The following SEMA3D variants were observed in gnomAD, a reference collection of about 807,000 sequenced individuals.
SEMA3D encodes the protein semaphorin 3D.
A neutral mutation model predicts 100.1 loss-of-function variants in SEMA3D; 84 were observed. That is an observed-to-expected ratio of 0.84 (90% CI 0.70 to 1.01). The LOEUF is 1.01. SEMA3D is among the 50% of genes least tolerant of loss of function. SEMA3D has a pLI of 0.00. For missense variants in SEMA3D, 875 were observed against 934.1 expected (o/e 0.94, Z 0.82); for synonymous variants, 312 against 320.7 (o/e 0.97, Z 0.29).
At chr7:85,035,257 T>C (rs912208818) in intron 12 of SEMA3D, among the ~76,000 whole-genome samples, 1 of 151,350 alleles carries the variant, frequency 6.6e-6, no homozygotes, top group Non-Finnish European at 1.5e-5. Flanking sequence ...ATCATACATA[T>C]ATTTATATAT....
At chr7:85,094,183 T>C (rs1308147314) in intron 4 of SEMA3D, among the ~76,000 whole-genome samples, 1 of 151,748 alleles carries the variant, frequency 6.6e-6, no homozygotes, top group Non-Finnish European at 1.5e-5. Context: ...GAACAATGAA[T>C]AGTTAACAGT....
chr7:85,019,087 CTT>C (rs764748743), intron 14 of SEMA3D, among the ~76,000 whole-genome samples: 5 of 151,660 alleles, frequency 3.3e-5, no homozygotes. Flanking sequence ...CATGGCCAAA[CTT>C]ATCAAATTAT....
At chr7:85,239,885 A>G in the SEMA3D span, among the ~76,000 whole-genome samples, 1 of 152,132 alleles carries the variant, frequency 6.6e-6, no homozygotes, top group African/African-American at 2.4e-5. Flanking sequence ...TTCTGTAACC[A>G]ACCTGTAACT....
the SEMA3D span, among the ~76,000 whole-genome samples, chr7:85,219,232 A>C: frequency 1.3e-5 from 2 of 151,992 alleles, no homozygotes; most frequent in African/African-American, 4.8e-5. Flanking sequence ...GAGCCCACAG[A>C]GGGAAAAAAA....
chr7:85,034,076 C>A (rs879018476), intron 12 of SEMA3D, among the ~76,000 whole-genome samples: 3 of 151,970 alleles, frequency 2.0e-5, no homozygotes, highest in Admixed American at 2.0e-4. Flanking sequence ...AGCTTTGTGA[C>A]CTTGGGCAAG....
upstream of SEMA3D, among the ~76,000 whole-genome samples, chr7:85,188,864 T>C (rs1295116572): frequency 1.3e-5 from 2 of 152,234 alleles, no homozygotes; most frequent in Non-Finnish European, 2.9e-5. Context: ...CACTTTGATT[T>C]CACTACTATA....
chr7:85,028,181 T>C (rs1790443910), intron 12 of SEMA3D: 2 of 645,588 alleles, frequency 3.1e-6, no homozygotes, highest in Non-Finnish European at 2.8e-6. Context: ...CCATAGGAGG[T>C]GTCTTCTATG....
At chr7:85,177,191 T>C (rs1027282026) in intron 1 of SEMA3D, among the ~76,000 whole-genome samples, 1 of 152,122 alleles carries the variant, frequency 6.6e-6, no homozygotes, top group African/African-American at 2.4e-5. Context: ...TATCTGTGTA[T>C]AGATATGCAT....
intron 3 of SEMA3D, among the ~76,000 whole-genome samples, chr7:85,110,261 T>G (rs1170023391): frequency 6.6e-6 from 1 of 152,004 alleles, no homozygotes; most frequent in African/African-American, 2.4e-5. Flanking sequence ...TATACAATGT[T>G]AAATGGATTG....
intron 1 of SEMA3D, among the ~76,000 whole-genome samples, chr7:85,154,281 A>G (rs1289932837): frequency 6.6e-6 from 1 of 152,046 alleles, no homozygotes; most frequent in Non-Finnish European, 1.5e-5. Context: ...TAGGACATAC[A>G]TTTGTCAAAG....
At chr7:85,141,930 A>G in intron 2 of SEMA3D, 1 of 982,470 alleles carries the variant, frequency 1.0e-6, no homozygotes, top group Non-Finnish European at 1.2e-6. Context: ...GATGTGTGCA[A>G]TGCACTTTGC....
At chr7:85,146,751 G>A (rs1206983439) in intron 2 of SEMA3D, among the ~76,000 whole-genome samples, 1 of 151,992 alleles carries the variant, frequency 6.6e-6, no homozygotes, top group East Asian at 1.9e-4. Flanking sequence ...CAGGAAAAAT[G>A]TACAATAAAA....
At chr7:85,154,529 A>G (rs1790526409) in intron 1 of SEMA3D, among the ~76,000 whole-genome samples, 1 of 152,058 alleles carries the variant, frequency 6.6e-6, no homozygotes, top group Non-Finnish European at 1.5e-5. Flanking sequence ...GGCTGACCAG[A>G]CATTTACTTA....
At chr7:85,065,083 C>T (rs1791578150) in intron 8 of SEMA3D, among the ~76,000 whole-genome samples, 2 of 152,020 alleles carry the variant, frequency 1.3e-5, no homozygotes, top group South Asian at 4.1e-4. Context: ...AAGACCTTGA[C>T]CAAATTATTT....
Position 85,040,738 on chromosome 7 carries a change from A to G in SEMA3D, c.981T>C (p.Asp327=). Reference sequence around the variant, plus strand: ...CATCTCTTGTGGGGAGTAAATAAATATCTTCTATTAAAGGGGAAAAATAAA... The same window carrying G: ...CATCTCTTGTGGGGAGTAAATAAATGTCTTCTATTAAAGGGGAAAAATAAA... The part of the protein sequence containing the change: ...GADTYFDELQ[D]IYLLPTRDER... The change falls in exon 11 of 19, where the codon GAT becomes GAC. Residue 327 remains aspartate (D), a synonymous_variant. Coordinates refer to ENST00000284136, the MANE Select transcript of SEMA3D (RefSeq NM_001384900.1). 7.5e-7 allele frequency: 1 copy of G among 1,328,518 alleles called. No homozygotes were observed. The highest frequency in any genetic ancestry group is 1.1e-6 in the Non-Finnish European group (1 of 924,052). The allele number at this position is 1,328,518 out of a possible 1,614,324, so 82.3% of individuals were successfully genotyped here.
chr7:85,239,525 GC>G, the SEMA3D span, among the ~76,000 whole-genome samples: 4 of 152,144 alleles, frequency 2.6e-5, no homozygotes, highest in Non-Finnish European at 5.9e-5. Context: ...TGTCATAGCA[GC>G]ACAAATTAAC....
chr7:85,006,503 TTATTAGTC>T (rs1411572830), intron 18 of SEMA3D, among the ~76,000 whole-genome samples: 1 of 151,976 alleles, frequency 6.6e-6, no homozygotes, highest in Non-Finnish European at 1.5e-5. Context: ...GGTGTTCTTG[TTATTAGTC>T]AGGGATTTGT....
chr7:85,210,402 A>G, the SEMA3D span, among the ~76,000 whole-genome samples: 1 of 152,104 alleles, frequency 6.6e-6, no homozygotes, highest in Admixed American at 6.6e-5. Flanking sequence ...AATTCCTTAA[A>G]TCATTATTTG....
At chr7:85,074,685 T>C (rs931939657) in intron 5 of SEMA3D, among the ~76,000 whole-genome samples, 2 of 151,878 alleles carry the variant, frequency 1.3e-5, no homozygotes, top group African/African-American at 4.8e-5. Flanking sequence ...GGTGCGATCT[T>C]GGCTCACTGC....
Sources: gnomAD v4.1 joint callset for allele counts (sites outside exome capture counted in the v4.1 genomes callset) on GRCh38, gnomAD v4.1.1 for gene constraint, MANE v1.5 for transcripts, NCBI Gene and HGNC (gene_info 2026-07-23, HGNC 2026-07-21) for gene names.